The following NAA60 variants were observed in gnomAD, a reference collection of about 807,000 sequenced individuals.
The protein encoded by NAA60 is N-alpha-acetyltransferase 60.
NAA60 carries 8 observed loss-of-function variants against 26.1 expected under a neutral mutation model. The ratio of observed to expected loss-of-function variants is 0.31; its 90% CI spans 0.18 to 0.55. NAA60 has a LOEUF of 0.55. NAA60 is among the 20% of genes least tolerant of loss of function. NAA60 has a pLI of 0.93. For missense variants in NAA60, 290 were observed against 311.3 expected (o/e 0.93, Z 0.51); for synonymous variants, 131 against 122.5 (o/e 1.07, Z -0.46).
Position 3,450,544 on chromosome 16 carries a change from C to CA in NAA60, c.-7+2010dup, listed in dbSNP as rs1343834944. Among the ~76,000 whole-genome samples the CA allele has an allele frequency of 5.9e-5, 9 of 151,744 alleles. No homozygotes were observed. The South Asian group carries it at 1.7e-3, about 28-fold the overall frequency. On this transcript the variant is annotated intron_variant, in intron 2 of 7. Coordinates refer to ENST00000407558, the MANE Select transcript of NAA60 (RefSeq NM_001083601.3). ...TGAAACCCCATCTCTACTAAAAATA[C>CA]AAAAAATTAGCCGAGCGTGGTGGTG...
At chr16:3,446,982 T>C (rs963561705) in intron 1 of NAA60, among the ~76,000 whole-genome samples, 6 of 152,098 alleles carry the variant, frequency 3.9e-5, no homozygotes, top group African/African-American at 1.2e-4. Context: ...GCTGGGACTA[T>C]AGGTGCGTAC....
At chr16:3,483,959 C>T (rs1020527672) in intron 6 of NAA60, among the ~76,000 whole-genome samples, 3 of 152,138 alleles carry the variant, frequency 2.0e-5, no homozygotes, top group Admixed American at 2.0e-4. Flanking sequence ...CCCCTGTCCT[C>T]CCAGAGCCTG....
At chr16:3,483,310 A>C in intron 5 of NAA60, 53 bp from the exon 6 acceptor site, 2 of 1,336,130 alleles carry the variant, frequency 1.5e-6, no homozygotes, top group Non-Finnish European at 2.1e-6. Flanking sequence ...TAGCCCAGTC[A>C]TCCTTCCTTC....
intron 1 of NAA60, 69 bp downstream of exon 1, chr16:3,443,906 G>T: frequency 6.8e-7 from 1 of 1,474,124 alleles, no homozygotes; most frequent in Non-Finnish European, 9.0e-7. Context: ...GATTGAGAGG[G>T]CGGGGGTTCG....
chr16:3,451,179 C>T (rs1038880530), intron 2 of NAA60, among the ~76,000 whole-genome samples: 1 of 152,162 alleles, frequency 6.6e-6, no homozygotes, highest in Non-Finnish European at 1.5e-5. Context: ...ACCATTTGTA[C>T]CCAGAATGGG....
chr16:3,474,499 A>G (rs926810020), intron 2 of NAA60, among the ~76,000 whole-genome samples: 4 of 152,252 alleles, frequency 2.6e-5, no homozygotes, highest in East Asian at 3.8e-4. Flanking sequence ...TTCAGCGTCT[A>G]AATTCCTCCC....
chr16:3,475,292 G>T (rs2036409170), intron 2 of NAA60, among the ~76,000 whole-genome samples: 1 of 152,106 alleles, frequency 6.6e-6, no homozygotes, highest in Non-Finnish European at 1.5e-5. Flanking sequence ...GTTTTGCCAT[G>T]TTGGCCAGGC....
chr16:3,482,815 A>G, intron 5 of NAA60: 1 of 591,346 alleles, frequency 1.7e-6, no homozygotes, highest in African/African-American at 1.9e-5. Context: ...CTCTTTCCAC[A>G]TGCCCCCAGG....
chr16:3,481,179 A>T (rs774306567), intron 4 of NAA60, among the ~76,000 whole-genome samples: 17 of 151,570 alleles, frequency 1.1e-4, no homozygotes, highest in Non-Finnish European at 2.2e-4. Context: ...GAGTGCAGTG[A>T]TGCGATCCTG....
intron 2 of NAA60, among the ~76,000 whole-genome samples, chr16:3,460,957 G>A (rs956972462): frequency 7.2e-5 from 11 of 152,084 alleles, no homozygotes; most frequent in East Asian, 1.9e-4. Context: ...GTTTAGTGAC[G>A]GAGTCTTGCT....
chr16:3,467,562 CAG>C (rs2035846755), intron 2 of NAA60: 1 of 152,216 alleles, frequency 6.6e-6, no homozygotes. Flanking sequence ...CACTAGGAAA[CAG>C]GGTTGTTTTT....
chr16:3,447,260 A>C (rs564610370), intron 1 of NAA60, among the ~76,000 whole-genome samples: 1 of 152,350 alleles, frequency 6.6e-6, no homozygotes, highest in Non-Finnish European at 1.5e-5. Context: ...ACAATAACAA[A>C]GTTGCTTTTG....
chr16:3,444,708 G>T (rs1320485445), intron 1 of NAA60, among the ~76,000 whole-genome samples: 2 of 152,178 alleles, frequency 1.3e-5, no homozygotes, highest in African/African-American at 2.4e-5. Context: ...TGGTTAATTC[G>T]GTGGCCCAGT....
Position 3,484,771 on chromosome 16 carries a change from C to T in NAA60, c.645C>T (p.Arg215=), listed in dbSNP as rs901641357. The part of the protein sequence containing the change: ...SPCSIPHRVY[R]QAHSLLCSFL... ...GCTCCATTCCGCACAGAGTCTACCG[C>T]CAGGCCCACAGCCTGCTCTGCAGCT... The change falls in exon 7 of 8, where the codon CGC becomes CGT. Residue 215 remains arginine, a synonymous_variant. Transcript: ENST00000407558. 2 of 1,590,760 alleles carry T rather than the reference C, an allele frequency of 1.3e-6. No homozygotes were observed. Among genetic ancestry groups the T allele is most frequent in the African/African-American group, 2.7e-5 (2 of 74,228 alleles).
intron 2 of NAA60, among the ~76,000 whole-genome samples, chr16:3,470,752 G>A (rs1473978707): frequency 6.6e-6 from 1 of 152,268 alleles, no homozygotes; most frequent in Non-Finnish European, 1.5e-5. Flanking sequence ...AGGCTGATGG[G>A]CCAGGGCACA....
chr16:3,446,826 G>T (rs567185668), intron 1 of NAA60, among the ~76,000 whole-genome samples: 1 of 152,146 alleles, frequency 6.6e-6, no homozygotes, highest in East Asian at 1.9e-4. Context: ...GGCCAGGCTG[G>T]TCTCAAACTC....
At chr16:3,482,870 A>T (rs1344692770) in intron 5 of NAA60, 1 of 546,530 alleles carries the variant, frequency 1.8e-6, no homozygotes, top group African/African-American at 1.9e-5. Flanking sequence ...GGAGCTGAGG[A>T]AACTGGCACC....
intron 2 of NAA60, chr16:3,456,785 C>G (rs1369406560): frequency 3.3e-5 from 5 of 152,086 alleles, no homozygotes; most frequent in Admixed American, 2.0e-4. Context: ...GTTTGACACG[C>G]AGACTCAAAT....
chr16:3,457,898 A>C, intron 2 of NAA60: 1 of 838,654 alleles, frequency 1.2e-6, no homozygotes, highest in Non-Finnish European at 1.4e-6. Context: ...CTGGCTTCGC[A>C]CGGAGCCTGC....
Sources: allele counts gnomAD v4.1 joint callset (sites outside exome capture counted in the v4.1 genomes callset), GRCh38; gene constraint gnomAD v4.1.1; transcripts MANE v1.5; gene names NCBI Gene and HGNC (gene_info 2026-07-23, HGNC 2026-07-21).